The following ZNF248 variants were observed in gnomAD, a reference collection of about 807,000 sequenced individuals.
ZNF248 encodes the protein zinc finger protein 248.
Under a neutral mutation model 44.3 loss-of-function variants are expected in ZNF248, and 20 were observed. The ratio of observed to expected loss-of-function variants is 0.45; its 90% CI spans 0.32 to 0.66. The LOEUF (loss-of-function observed/expected upper bound fraction) is 0.66. Ranked by LOEUF, ZNF248 falls within the 30% of genes least tolerant of loss-of-function variation. The pLI, the probability that ZNF248 is intolerant of heterozygous loss-of-function variation, is 0.04. For missense variants in ZNF248, 654 were observed against 677.0 expected, an observed-to-expected ratio of 0.97 and a Z score of 0.38; for synonymous variants, 224 against 229.0, an observed-to-expected ratio of 0.98 and a Z score of 0.20.
At chr10:37,789,686 C>A (rs1342521376) in intron 6 of ZNF248, among the ~76,000 whole-genome samples, 4 of 152,164 alleles carry the variant, frequency 2.6e-5, no homozygotes, top group Admixed American at 6.5e-5. Flanking sequence ...AAAAAAGTTT[C>A]TTCTCAGAAA....
At position 37,829,338 on chromosome 10, in the gene ZNF248, A is replaced by G. The variant is rs1372552295; in HGVS notation, c.*2277T>C. ...TCACTGTCCCTTGTTTCTGGCCCACACCACTGTAATCAGTCTGCCATTAAA... is the reference window on the plus strand; with the variant it reads ...TCACTGTCCCTTGTTTCTGGCCCACGCCACTGTAATCAGTCTGCCATTAAA... On this transcript the variant is annotated 3_prime_UTR_variant, in exon 6 of 6. Transcript: ENST00000395867. The G allele has an allele frequency of 1.0e-6, 1 of 985,276 alleles. No homozygotes were observed. The allele number at this position is 985,276 out of a possible 1,614,324, so 61.0% of individuals were successfully genotyped here.
chr10:37,773,593 G>T (rs138862069), downstream of ZNF248, among the ~76,000 whole-genome samples: 793 of 152,220 alleles, frequency 5.2e-3, 6 homozygotes, highest in Non-Finnish European at 7.4e-3. Context: ...GAATTTATTT[G>T]TCATGCTCCT....
chr10:37,805,971 G>A (rs1373674742), intron 6 of ZNF248, among the ~76,000 whole-genome samples: 2 of 152,136 alleles, frequency 1.3e-5, no homozygotes, highest in African/African-American at 4.8e-5. Flanking sequence ...AAGCATTTGA[G>A]TATCTGTTTT....
chr10:37,799,641 A>G (rs1369430659), intron 6 of ZNF248, among the ~76,000 whole-genome samples: 1 of 152,188 alleles, frequency 6.6e-6, no homozygotes, highest in Non-Finnish European at 1.5e-5. Context: ...GCCAGCTTAC[A>G]CTCAGTAAGA....
At position 37,856,385 on chromosome 10, in the gene ZNF248, G is replaced by A. The variant is rs562024356; in HGVS notation, c.-27-48C>T. The A allele has an allele frequency of 1.3e-4, 203 of 1,605,234 alleles. 1 individual carries two copies. Among genetic ancestry groups the A allele is most frequent in the Non-Finnish European group, 5.9e-6 (7 of 1,176,916 alleles). ...TGTCAGGAGAGCCTTCGCCGGCCTTGCAGTTCGGAGATTCACCTGCCTATA... is the reference window on the plus strand; with the variant it reads ...TGTCAGGAGAGCCTTCGCCGGCCTTACAGTTCGGAGATTCACCTGCCTATA... On this transcript the variant is annotated intron_variant, in intron 2 of 5. Coordinates refer to ENST00000395867, the MANE Select transcript of ZNF248 (RefSeq NM_021045.3).
intron 5 of ZNF248, among the ~76,000 whole-genome samples, chr10:37,834,517 A>G (rs933013264): frequency 3.9e-5 from 6 of 152,202 alleles, no homozygotes; most frequent in Non-Finnish European, 8.8e-5. Context: ...TACACAGATA[A>G]TCAACAAAGT....
chr10:37,792,804 A>C (rs956197246), intron 6 of ZNF248, among the ~76,000 whole-genome samples: 1 of 152,206 alleles, frequency 6.6e-6, no homozygotes, highest in African/African-American at 2.4e-5. Flanking sequence ...TGAAAAAGAC[A>C]GAAAAACTGA....
At chr10:37,855,483 A>G (rs1037154212) in intron 3 of ZNF248, among the ~76,000 whole-genome samples, 3 of 152,244 alleles carry the variant, frequency 2.0e-5, no homozygotes, top group Non-Finnish European at 4.4e-5. Flanking sequence ...GACCGAGAAG[A>G]ACCTAAGTAG....
chr10:37,833,356 A>G (rs1316229686), intron 5 of ZNF248, among the ~76,000 whole-genome samples: 1 of 152,184 alleles, frequency 6.6e-6, no homozygotes. Flanking sequence ...CTTTATAAAT[A>G]TAACCTTCAA....
chr10:37,799,601 A>C lies in ZNF248; in HGVS notation c.331-23026T>G, dbSNP rs1485346925. Among the ~76,000 whole-genome samples the C allele has an allele frequency of 2.6e-5, 4 of 152,172 alleles. No individual in the cohort carries two copies. The East Asian group carries it at 7.7e-4, about 29-fold the overall frequency. On this transcript the variant is annotated intron_variant, in intron 6 of 6. Coordinates refer to the ZNF248 transcript ENST00000615949. ...AGTGTTTGCTAACACTTCCTGACTT[A>C]TCTCTGAAAATCAGGTGCAAGGTTA... is the stretch of plus-strand genomic sequence containing the variant.
At chr10:37,850,218 C>T (rs765645669) in intron 3 of ZNF248, among the ~76,000 whole-genome samples, 3 of 152,114 alleles carry the variant, frequency 2.0e-5, no homozygotes, top group Admixed American at 2.0e-4. Context: ...CTTTGAACAG[C>T]GTTTGCAATT....
chr10:37,816,153 G>C (rs192159339), intron 6 of ZNF248, among the ~76,000 whole-genome samples: 3 of 152,060 alleles, frequency 2.0e-5, no homozygotes, highest in East Asian at 1.9e-4. Context: ...TGCCAAGGAA[G>C]GGGGGATGAA....
downstream of ZNF248, among the ~76,000 whole-genome samples, chr10:37,825,755 C>T (rs942475714): frequency 1.3e-5 from 2 of 152,096 alleles, no homozygotes; most frequent in South Asian, 2.1e-4. Context: ...CATTTCCAAA[C>T]TTTGAATGGG....
downstream of ZNF248, among the ~76,000 whole-genome samples, chr10:37,774,984 G>T (rs912862630): frequency 6.6e-6 from 1 of 151,926 alleles, no homozygotes; most frequent in African/African-American, 2.4e-5. Context: ...TGGCCAAGCT[G>T]GTCTCAAACT....
At chr10:37,769,333 A>T in the ZNF248 span, among the ~76,000 whole-genome samples, 2 of 152,242 alleles carry the variant, frequency 1.3e-5, no homozygotes, top group Non-Finnish European at 2.9e-5. Context: ...AGAGAATTTT[A>T]GACCAATATC....
chr10:37,820,072 T>A, intron 6 of ZNF248: 1 of 835,928 alleles, frequency 1.2e-6, no homozygotes, highest in Non-Finnish European at 2.1e-6. Context: ...ATCATCCTTG[T>A]ATCTCTGTAG....
chr10:37,780,466 T>G (rs1047801873), intron 6 of ZNF248, among the ~76,000 whole-genome samples: 1 of 152,140 alleles, frequency 6.6e-6, no homozygotes, highest in African/African-American at 2.4e-5. Context: ...TAGCCATATG[T>G]AGAAAGCTGA....
chr10:37,782,994 C>T (rs1390185749), intron 6 of ZNF248, among the ~76,000 whole-genome samples: 1 of 152,126 alleles, frequency 6.6e-6, no homozygotes, highest in Non-Finnish European at 1.5e-5. Flanking sequence ...GGGCACCAAA[C>T]CTGGAAGGCC....
the ZNF248 span, among the ~76,000 whole-genome samples, chr10:37,764,098 A>G: frequency 6.6e-6 from 1 of 152,262 alleles, no homozygotes; most frequent in Non-Finnish European, 1.5e-5. Flanking sequence ...GAACAGAGCC[A>G]TATTTCTCTT....
Sources: gnomAD v4.1 joint callset for allele counts (sites outside exome capture counted in the v4.1 genomes callset) on GRCh38, gnomAD v4.1.1 for gene constraint, MANE v1.5 for transcripts, NCBI Gene and HGNC (gene_info 2026-07-23, HGNC 2026-07-21) for gene names.